KCNT2: variants seen among roughly 807,000 people sequenced by gnomAD.
KCNT2 encodes potassium channel subfamily T member 2.
In KCNT2, 67 loss-of-function variants were observed where a neutral mutation model predicts 153.8. The ratio of observed to expected loss-of-function variants is 0.44; its 90% CI spans 0.36 to 0.53. The LOEUF (loss-of-function observed/expected upper bound fraction) is 0.53, where lower values mean the gene tolerates loss of function less well. Among genes scored for constraint, KCNT2 ranks in the 20% least tolerant of loss-of-function variants. The pLI is 0.00. For missense variants in KCNT2, 975 were observed against 1,354.8 expected, an observed-to-expected ratio of 0.72 and a Z score of 4.40; for synonymous variants, 500 against 458.8, an observed-to-expected ratio of 1.09 and a Z score of -1.15.
chr1:196,271,913 T>G (rs751483346), intron 25 of KCNT2, among the ~76,000 whole-genome samples: 1 of 151,978 alleles, frequency 6.6e-6, no homozygotes, highest in Non-Finnish European at 1.5e-5. Flanking sequence ...CCAAAAACAA[T>G]GCACCAATGA....
intron 1 of KCNT2, among the ~76,000 whole-genome samples, chr1:196,508,344 T>C (rs1213260224): frequency 6.6e-6 from 1 of 151,904 alleles, no homozygotes; most frequent in Non-Finnish European, 1.5e-5. Context: ...CTTTGAACAG[T>C]GAAAGTATAC....
chr1:196,563,480 A>AAT (rs1553255252), intron 1 of KCNT2, among the ~76,000 whole-genome samples: 1 of 147,650 alleles, frequency 6.8e-6, no homozygotes. Flanking sequence ...AACTTTTCAA[A>AAT]CTTCCAAAAA....
chr1:196,578,718 C>T (rs958698499), intron 1 of KCNT2, among the ~76,000 whole-genome samples: 2 of 152,030 alleles, frequency 1.3e-5, no homozygotes, highest in East Asian at 1.9e-4. Context: ...TATTGGCATT[C>T]GGGATTTGGA....
In KCNT2 at chr1:196,482,347, G is replaced by A. The variant is rs759412514; in HGVS notation, c.308C>T (p.Pro103Leu). ...SHIFWVNRSL[P>L]LWGLQVSVAL... The stretch of plus-strand genomic sequence containing the variant: ...GTACATAACCTGTAAGCCCCACAAA[G>A]GTAGACTTCTGTTCACCCAAAAGAT... Residue 103 changes from proline (P) to leucine (L), a missense_variant, in exon 4 of 28, where the codon CCT becomes CTT. Pro to Leu is a moderately conservative substitution (Grantham distance 98, BLOSUM62 -3). Coordinates refer to ENST00000294725, the MANE Select transcript of KCNT2 (RefSeq NM_198503.5). 5 of 1,574,796 alleles carry A rather than the reference G, an allele frequency of 3.2e-6. No homozygotes were observed. The highest frequency in any genetic ancestry group is 4.3e-6 in the Non-Finnish European group (5 of 1,160,638).
chr1:196,330,087 C>T (rs1000793685), intron 18 of KCNT2, among the ~76,000 whole-genome samples: 1 of 148,930 alleles, frequency 6.7e-6, no homozygotes, highest in Non-Finnish European at 1.5e-5. Context: ...TCATCCATCT[C>T]AATGGGCCCA....
chr1:196,364,064 T>C (rs1667842895), intron 14 of KCNT2, among the ~76,000 whole-genome samples: 1 of 152,022 alleles, frequency 6.6e-6, no homozygotes, highest in Non-Finnish European at 1.5e-5. Flanking sequence ...GATCTTAGAG[T>C]TGTGGAACAG....
At chr1:196,558,837 T>G (rs566403340) in intron 1 of KCNT2, among the ~76,000 whole-genome samples, 6 of 151,698 alleles carry the variant, frequency 4.0e-5, no homozygotes, top group Admixed American at 3.3e-4. Flanking sequence ...TTTTGAATTT[T>G]TATTATGTAT....
intron 1 of KCNT2, among the ~76,000 whole-genome samples, chr1:196,505,630 G>A (rs971319421): frequency 3.3e-5 from 5 of 152,122 alleles, no homozygotes; most frequent in Admixed American, 1.3e-4. Context: ...GAAAGTCATT[G>A]GTAGCTTGAT....
Position 196,342,247 on chromosome 1 carries a change from C to A in KCNT2, c.1404-19G>T, listed in dbSNP as rs544636792. ...GCCTTCTCTGCAACACAGGCACACA[C>A]ACATACACACACACAAAAAGAAAAC... On this transcript the variant is annotated intron_variant, in intron 14 of 27. Coordinates refer to ENST00000294725, the MANE Select transcript of KCNT2 (RefSeq NM_198503.5). 368 of 1,589,976 alleles carry A rather than the reference C, an allele frequency of 2.3e-4. 1 individual carries two copies. Among genetic ancestry groups the A allele is most frequent in the South Asian group, 8.0e-4 (70 of 87,242 alleles).
intron 1 of KCNT2, among the ~76,000 whole-genome samples, chr1:196,503,139 C>T (rs896131316): frequency 1.3e-5 from 2 of 151,860 alleles, no homozygotes; most frequent in Middle Eastern, 3.4e-3. Context: ...ATTATGTATC[C>T]TTACCACTAC....
intron 1 of KCNT2, among the ~76,000 whole-genome samples, chr1:196,523,906 C>G (rs1653828856): frequency 6.6e-6 from 1 of 152,134 alleles, no homozygotes; most frequent in Non-Finnish European, 1.5e-5. Context: ...TTAAATGACA[C>G]CAGAGATAAG....
intron 1 of KCNT2, among the ~76,000 whole-genome samples, chr1:196,503,955 G>A (rs1476863533): frequency 6.6e-6 from 1 of 152,068 alleles, no homozygotes; most frequent in Non-Finnish European, 1.5e-5. Context: ...CTTAAGTTAC[G>A]ACTTTTAATA....
At chr1:196,526,600 G>A (rs1374651828) in intron 1 of KCNT2, among the ~76,000 whole-genome samples, 4 of 151,826 alleles carry the variant, frequency 2.6e-5, no homozygotes, top group Non-Finnish European at 5.9e-5. Flanking sequence ...TTACAGGCAC[G>A]CGCTGCCACA....
At chr1:196,584,388 G>A (rs548544916) in intron 1 of KCNT2, among the ~76,000 whole-genome samples, 1 of 152,124 alleles carries the variant, frequency 6.6e-6, no homozygotes, top group Non-Finnish European at 1.5e-5. Flanking sequence ...GGAGCAGTAT[G>A]AAAATGAGCA....
intron 10 of KCNT2, 143 bp downstream of exon 10, chr1:196,427,962 T>C (rs892947768): frequency 1.8e-6 from 1 of 551,886 alleles, no homozygotes; most frequent in Non-Finnish European, 3.2e-6. Context: ...CTGGTTATAT[T>C]TGTGGTTCTT....
At chr1:196,512,073 C>A (rs751128155) in intron 1 of KCNT2, among the ~76,000 whole-genome samples, 3 of 152,142 alleles carry the variant, frequency 2.0e-5, no homozygotes, top group Non-Finnish European at 4.4e-5. Context: ...TAGCAAAATG[C>A]AGATATCGGT....
chr1:196,237,496 C>T (rs139612144), intron 26 of KCNT2, among the ~76,000 whole-genome samples: 2 of 151,820 alleles, frequency 1.3e-5, no homozygotes, highest in African/African-American at 4.8e-5. Context: ...GGAATTGTAT[C>T]ATGCCATAGT....
chr1:196,419,338 C>T (rs1258912413), intron 12 of KCNT2, among the ~76,000 whole-genome samples: 2 of 105,358 alleles, frequency 1.9e-5, no homozygotes, highest in African/African-American at 7.2e-5. Context: ...CCCCCCTCCC[C>T]CCACCCCACA....
intron 1 of KCNT2, among the ~76,000 whole-genome samples, chr1:196,583,770 GA>G (rs1662340816): frequency 6.6e-6 from 1 of 151,964 alleles, no homozygotes; most frequent in Admixed American, 6.6e-5. Context: ...AATTTTAAGA[GA>G]AACGTAAGTA....
Sources: gnomAD v4.1 joint callset for allele counts (sites outside exome capture counted in the v4.1 genomes callset) on GRCh38, gnomAD v4.1.1 for gene constraint, MANE v1.5 for transcripts, NCBI Gene and HGNC (gene_info 2026-07-23, HGNC 2026-07-21) for gene names.